Variants in ACAN observed in about 807,000 individuals in gnomAD.
ACAN encodes the protein aggrecan core protein.
In ACAN, 47 loss-of-function variants were observed where a neutral mutation model predicts 169.1. That is an observed-to-expected ratio of 0.28 (90% CI 0.22 to 0.35). The LOEUF is 0.35. Among genes scored for constraint, ACAN ranks in the 10% least tolerant of loss-of-function variants. The pLI, the probability that ACAN is intolerant of heterozygous loss-of-function variation, is 1.00. For synonymous variants in ACAN, 1,115 were observed against 1,112.2 expected (o/e 1.00, Z -0.05); for missense variants, 2,716 against 2,759.9 (o/e 0.98, Z 0.36).
chr15:88,808,752 T>A (rs1895748212), intron 1 of ACAN, among the ~76,000 whole-genome samples: 1 of 152,104 alleles, frequency 6.6e-6, no homozygotes, highest in African/African-American at 2.4e-5. Context: ...ATGTCAATAG[T>A]CCCAAGGCTG....
chr15:88,822,248 A>G (rs1179010643), intron 1 of ACAN, among the ~76,000 whole-genome samples: 1 of 152,234 alleles, frequency 6.6e-6, no homozygotes, highest in Non-Finnish European at 1.5e-5. Context: ...CTTATTAGAC[A>G]GGACATTCCA....
Position 88,851,624 on chromosome 15 carries a change from A to C in ACAN, c.2027-170A>C. ...TGCTGATGGTGCATATGGATATTATATCATTGGTGCCGATGGCTCTTACTA... is the reference window on the plus strand; with the variant it reads ...TGCTGATGGTGCATATGGATATTATCTCATTGGTGCCGATGGCTCTTACTA... On this transcript the variant is annotated intron_variant, in intron 10 of 18. Transcript: ENST00000560601. This position sits in a 1 kb window ranked among gnomAD's most constrained non-coding sequence, Gnocchi z 4.3. The C allele has an allele frequency of 1.4e-6, 1 of 697,444 alleles. No homozygotes were observed. Among genetic ancestry groups the C allele is most frequent in the Non-Finnish European group, 2.3e-6 (1 of 432,112 alleles). The allele number at this position is 697,444 out of a possible 1,614,324, so 43.2% of individuals were successfully genotyped here.
At position 88,858,555 on chromosome 15, in the gene ACAN, G is replaced by T; in HGVS notation, c.5970G>T (p.Gly1990=). Reference sequence around the variant, plus strand: ...TGGACCTAAGTGGGCTGCAGTCCGGGCTGATAGAGCCCAGCGGAGAGCCAC... The same window carrying T: ...TGGACCTAAGTGGGCTGCAGTCCGGTCTGATAGAGCCCAGCGGAGAGCCAC... ...GFLDLSGLQS[G]LIEPSGEPPG... is the part of the protein sequence containing the mutation. The change falls in exon 12 of 19, where the codon GGG becomes GGT. Residue 1990 remains glycine, a synonymous_variant. Transcript: ENST00000560601. The surrounding 1 kb of genome is among the most constrained non-coding windows in gnomAD (Gnocchi z 4.0). The T allele has an allele frequency of 6.2e-7, 1 of 1,613,904 alleles. No homozygotes were observed. The highest frequency in any genetic ancestry group is 8.5e-7 in the Non-Finnish European group (1 of 1,179,880).
At chr15:88,847,871 G>A (rs1274898016) in intron 8 of ACAN, 40 bp from the exon 9 acceptor site, 1 of 1,604,126 alleles carries the variant, frequency 6.2e-7, no homozygotes, top group Admixed American at 1.7e-5. Context: ...ACCAGCCCCT[G>A]GAACAGGCCT....
Position 88,873,707 on chromosome 15 carries a change from A to G in ACAN, c.7448-135A>G. 1.1e-6 allele frequency: 1 copy of G among 895,982 alleles called. No individual in the cohort carries two copies. Among genetic ancestry groups the G allele is most frequent in the Non-Finnish European group, 1.7e-6 (1 of 597,306 alleles). 55.5% of individuals were successfully genotyped at this position (895,982 alleles called of 1,614,324 possible). ...TACAGCCAGCGGCTTCCAGATTCTTAGCGCTGCATGAAAACGTCCAGGGCT... is the reference window on the plus strand; with the variant it reads ...TACAGCCAGCGGCTTCCAGATTCTTGGCGCTGCATGAAAACGTCCAGGGCT... On this transcript the variant is annotated intron_variant, in intron 17 of 18. Coordinates refer to ENST00000560601, the MANE Select transcript of ACAN (RefSeq NM_001369268.1). The surrounding 1 kb of genome is among the most constrained non-coding windows in gnomAD (Gnocchi z 7.5).
chr15:88,871,630 C>T lies in ACAN; in HGVS notation c.7219+90C>T, dbSNP rs956425610. The T allele has an allele frequency of 1.3e-5, 19 of 1,466,270 alleles. No homozygotes were observed. Among genetic ancestry groups the T allele is most frequent in the Non-Finnish European group, 1.6e-5 (17 of 1,096,186 alleles). The allele number at this position is 1,466,270 out of a possible 1,614,324, so 90.8% of individuals were successfully genotyped here. ...TTCAGAAGGCAGCAGATTTGGGCCT[C>T]GTGAGACTGCAGGACAGGGACCTGG... On this transcript the variant is annotated intron_variant, in intron 15 of 18. Transcript: ENST00000560601. This position sits in a 1 kb window ranked among gnomAD's most constrained non-coding sequence, Gnocchi z 7.8.
intron 11 of ACAN, among the ~76,000 whole-genome samples, chr15:88,853,933 C>G (rs535271583): frequency 6.6e-6 from 1 of 152,064 alleles, no homozygotes; most frequent in South Asian, 2.1e-4. Flanking sequence ...CAAACTAAAC[C>G]TGCTCAGTGG....
chr15:88,852,063 C>T (rs953600556), intron 11 of ACAN, 30 bp downstream of exon 11: 14 of 1,565,878 alleles, frequency 8.9e-6, no homozygotes, highest in Non-Finnish European at 1.2e-5. Flanking sequence ...TGGGGCACAC[C>T]CTGAAGCTGC....
intron 11 of ACAN, among the ~76,000 whole-genome samples, chr15:88,852,604 G>T (rs768168051): frequency 1.3e-5 from 2 of 152,196 alleles, no homozygotes; most frequent in Non-Finnish European, 2.9e-5. Context: ...TAAAGTGTTT[G>T]GTGGCCACTA....
chr15:88,857,867 G>A lies in ACAN; in HGVS notation c.5282G>A (p.Gly1761Glu). 6.2e-7 allele frequency: 1 copy of A among 1,613,774 alleles called. No individual in the cohort carries two copies. Among genetic ancestry groups the A allele is most frequent in the Non-Finnish European group, 8.5e-7 (1 of 1,179,810 alleles). ...GVTELSGLSS[G>E]QPGISGEASG... ...ACTGAGCTTAGCGGGCTGTCCTCTG[G>A]ACAACCAGGTATTAGTGGAGAAGCA... Residue 1761 changes from glycine to glutamate, a missense_variant, in exon 12 of 19, where the codon GGA (glycine) becomes GAA (glutamate). By Grantham distance (98) the Gly-to-Glu change is moderately conservative. Coordinates refer to ENST00000560601, the MANE Select transcript of ACAN (RefSeq NM_001369268.1).
intron 1 of ACAN, among the ~76,000 whole-genome samples, chr15:88,828,584 G>C (rs1237975971): frequency 6.6e-6 from 1 of 152,182 alleles, no homozygotes; most frequent in Non-Finnish European, 1.5e-5. Flanking sequence ...GTGCTCAATA[G>C]GCAAGCGAAA....
intron 9 of ACAN, 101 bp downstream of exon 9, chr15:88,848,139 C>T (rs1896841126): frequency 1.3e-6 from 2 of 1,481,882 alleles, no homozygotes; most frequent in South Asian, 1.4e-5. Flanking sequence ...CACCCACCCA[C>T]CCCTGATTCC....
At position 88,873,133 on chromosome 15, in the gene ACAN, T is replaced by A; in HGVS notation, c.7447+108T>A. On this transcript the variant is annotated intron_variant, in intron 17 of 18. Coordinates refer to ENST00000560601, the MANE Select transcript of ACAN (RefSeq NM_001369268.1). The surrounding 1 kb of genome is among the most constrained non-coding windows in gnomAD (Gnocchi z 7.5). ...GGTGAGTCCCTTGTCTTCTGGCTGC[T>A]GGTGTCTCCTCACTTGTCCAAAAGG... The A allele has an allele frequency of 7.2e-7, 1 of 1,394,044 alleles. No homozygotes were observed. The highest frequency in any genetic ancestry group is 9.7e-7 in the Non-Finnish European group (1 of 1,033,202). The allele number at this position is 1,394,044 out of a possible 1,614,324, so 86.4% of individuals were successfully genotyped here.
Position 88,807,820 on chromosome 15 carries a change from G to T in ACAN, c.-8+4011G>T, listed in dbSNP as rs989994203. On this transcript the variant is annotated intron_variant, in intron 1 of 18. Coordinates refer to ENST00000560601, the MANE Select transcript of ACAN (RefSeq NM_001369268.1). This position sits in a 1 kb window ranked among gnomAD's most constrained non-coding sequence, Gnocchi z 4.0. ...CAGGGCGGGCCCTGCGGGCTGGCCA[G>T]GCCTGTGAGAGGTGACTTCTCTCCC... 6.6e-6 allele frequency among the ~76,000 whole-genome samples: 1 copy of T among 151,440 alleles called. No homozygotes were observed. Among genetic ancestry groups the T allele is most frequent in the East Asian group, 2.0e-4 (1 of 5,100 alleles).
rs906743790 is a variant in ACAN, at chr15:88,875,297, T to C, written c.*816T>C. On this transcript the variant is annotated 3_prime_UTR_variant, in exon 19 of 19. Transcript: ENST00000560601. This position sits in a 1 kb window ranked among gnomAD's most constrained non-coding sequence, Gnocchi z 4.8. ...CACCAGGGTTCCGTGCACCTATTTA[T>C]ATTTTTGAAAACTGAAGATTATAAT... 5 of 150,464 alleles carry C rather than the reference T, an allele frequency of 3.3e-5. No individual in the cohort carries two copies. The highest frequency in any genetic ancestry group is 5.9e-5 in the Non-Finnish European group (4 of 67,494). The allele number at this position is 150,464 out of a possible 1,614,324, so 9.3% of individuals were successfully genotyped here. A position where few individuals can be genotyped will look rare whatever the true frequency, so the allele number is the denominator to read the frequency against.
intron 2 of ACAN, among the ~76,000 whole-genome samples, chr15:88,836,615 A>G (rs1896510371): frequency 2.0e-5 from 3 of 152,204 alleles, no homozygotes; most frequent in African/African-American, 7.2e-5. Flanking sequence ...GGGGCAGGAC[A>G]TAGACAAACC....
intron 11 of ACAN, among the ~76,000 whole-genome samples, chr15:88,853,647 A>G (rs1896979998): frequency 6.6e-6 from 1 of 152,168 alleles, no homozygotes; most frequent in Non-Finnish European, 1.5e-5. Flanking sequence ...CCAAAAAAAA[A>G]GAAAGAAATG....
chr15:88,804,071 G>A (rs1895612978), intron 1 of ACAN, among the ~76,000 whole-genome samples: 1 of 152,206 alleles, frequency 6.6e-6, no homozygotes, highest in Non-Finnish European at 1.5e-5. Flanking sequence ...CAGGATGAAG[G>A]AACAAGGGAG....
At chr15:88,840,940 C>A (rs189034353) in intron 4 of ACAN, among the ~76,000 whole-genome samples, 1 of 152,086 alleles carries the variant, frequency 6.6e-6, no homozygotes, top group Non-Finnish European at 1.5e-5. Flanking sequence ...GTCAGGAGAT[C>A]GAGACCATCC....
Sources: gnomAD v4.1 joint callset for allele counts (sites outside exome capture counted in the v4.1 genomes callset) on GRCh38, gnomAD v4.1.1 for gene constraint, Gnocchi (gnomAD v3.1) non-coding constraint, MANE v1.5 for transcripts, NCBI Gene and HGNC (gene_info 2026-07-23, HGNC 2026-07-21) for gene names.